The following IL6 variants were observed in gnomAD, a reference collection of about 807,000 sequenced individuals.
The protein encoded by IL6 is interleukin-6.
IL6 carries 5 observed loss-of-function variants against 18.0 expected under a neutral mutation model. That is an observed-to-expected ratio of 0.28 (90% CI 0.15 to 0.58). IL6 has a LOEUF of 0.58. Ranked by LOEUF, IL6 falls within the 20% of genes least tolerant of loss-of-function variation. IL6 has a pLI of 0.90. For synonymous variants in IL6, 97 were observed against 95.1 expected, an observed-to-expected ratio of 1.02 and a Z score of -0.12; for missense variants, 266 against 251.0, an observed-to-expected ratio of 1.06 and a Z score of -0.40.
chr7:22,729,461 A>C, intron 3 of IL6, 53 bp from the exon 4 acceptor site: 1 of 1,561,184 alleles, frequency 6.4e-7, no homozygotes, highest in East Asian at 2.3e-5. Flanking sequence ...TAACTTTTCA[A>C]ATTGATTCTA....
chr7:22,729,456 T>A, intron 3 of IL6, 58 bp from the exon 4 acceptor site: 2 of 1,541,960 alleles, frequency 1.3e-6, no homozygotes, highest in East Asian at 2.3e-5. Context: ...AATTTTAACT[T>A]TTCAAATTGA....
Position 22,728,767 on chromosome 7 carries a change from G to C in IL6, c.285G>C (p.Met95Ile), listed in dbSNP as rs752964616. Residue 95 changes from methionine to isoleucine, a missense_variant, in exon 3 of 5, where the codon ATG becomes ATC. Transcript: ENST00000258743. ...LAENNLNLPK[M>I]AEKDGCFQSG... Reference sequence around the variant, plus strand: ...AAAACAACCTGAACCTTCCAAAGATGGCTGAAAAAGATGGATGCTTCCAAT... The same window carrying C: ...AAAACAACCTGAACCTTCCAAAGATCGCTGAAAAAGATGGATGCTTCCAAT... 2.5e-6 allele frequency: 4 copies of C among 1,612,862 alleles called. No homozygotes were observed. The highest frequency in any genetic ancestry group is 3.4e-6 in the Non-Finnish European group (4 of 1,178,876).
chr7:22,727,255 G>A lies in IL6; in HGVS notation c.-8G>A. 8.1e-6 allele frequency: 13 copies of A among 1,613,618 alleles called. No individual in the cohort carries two copies. The highest frequency in any genetic ancestry group is 1.1e-5 in the Non-Finnish European group (13 of 1,179,994). On this transcript the variant is annotated 5_prime_UTR_variant, in exon 1 of 5. Coordinates refer to ENST00000258743, the MANE Select transcript of IL6 (RefSeq NM_000600.5). ...GAGAAGCTCTATCTCCCCTCCAGGA[G>A]CCCAGCTATGAACTCCTTCTCCACA...
intron 4 of IL6, chr7:22,730,310 T>C (rs1470782190): frequency 2.0e-6 from 2 of 983,684 alleles, no homozygotes; most frequent in African/African-American, 3.5e-5. Context: ...GTTTCTCATA[T>C]GTTAACATGC....
chr7:22,728,408 A>G (rs2069837), intron 2 of IL6: 35,983 of 387,012 alleles, frequency 0.093, 2,046 homozygotes, highest in East Asian at 0.16. Context: ...AGGCACTTTA[A>G]ATAAATATTG....
intron 3 of IL6, among the ~76,000 whole-genome samples, 161 bp from the exon 4 acceptor site, chr7:22,729,353 T>TA (rs1342171094): frequency 6.6e-6 from 1 of 152,212 alleles, no homozygotes; most frequent in African/African-American, 2.4e-5. Flanking sequence ...TCCAGTTATT[T>TA]AAAATGGTGC....
At chr7:22,728,594 TAG>T (rs1784059970) in intron 2 of IL6, 97 bp from the exon 3 acceptor site, 3 of 730,460 alleles carry the variant, frequency 4.1e-6, no homozygotes, top group Non-Finnish European at 7.3e-6. Context: ...TCATTTTTCT[TAG>T]AGACTTTCCT....
rs767699802 is a variant in IL6, at chr7:22,729,614, C to T, written c.425C>T (p.Ala142Val). The change falls in exon 4 of 5, where the codon GCT becomes GTT. Residue 142 changes from alanine (A) to valine (V), a missense_variant. By Grantham distance (64) the Ala-to-Val change is moderately conservative (BLOSUM62 0). Coordinates refer to ENST00000258743, the MANE Select transcript of IL6 (RefSeq NM_000600.5). Reference sequence around the variant, plus strand: ...GAGAGTAGTGAGGAACAAGCCAGAGCTGTGCAGATGAGTACAAAAGTCCTG... The same window carrying T: ...GAGAGTAGTGAGGAACAAGCCAGAGTTGTGCAGATGAGTACAAAAGTCCTG... ...RFESSEEQAR[A>V]VQMSTKVLIQ... is the part of the protein sequence containing the mutation. 3 of 1,614,010 alleles carry T rather than the reference C, an allele frequency of 1.9e-6. No individual in the cohort carries two copies. Among genetic ancestry groups the T allele is most frequent in the Non-Finnish European group, 1.7e-6 (2 of 1,180,018 alleles).
rs1784087172 is a variant in IL6, at chr7:22,729,660, G to T, written c.471G>T (p.Lys157Asn). 3.1e-6 allele frequency: 5 copies of T among 1,614,036 alleles called. No individual in the cohort carries two copies. The South Asian group carries it at 3.3e-5, about 11-fold the overall frequency. Residue 157 changes from lysine to asparagine, a missense_variant and splice_region_variant, in exon 4 of 5, where the codon AAG (lysine) becomes AAT (asparagine). Coordinates refer to ENST00000258743, the MANE Select transcript of IL6 (RefSeq NM_000600.5). ...TKVLIQFLQK[K>N]AKNLDAITTP... ...TCCTGATCCAGTTCCTGCAGAAAAA[G>T]GTGGGTGTGTCCTCATTCCCTCAAC...
chr7:22,729,604 C>A lies in IL6; in HGVS notation c.415C>A (p.Gln139Lys). The A allele has an allele frequency of 6.2e-7, 1 of 1,614,128 alleles. No individual in the cohort carries two copies. The highest frequency in any genetic ancestry group is 8.5e-7 in the Non-Finnish European group (1 of 1,180,014). The change falls in exon 4 of 5, where the codon CAA becomes AAA. Residue 139 changes from glutamine to lysine, a missense_variant. Physicochemically the swap from Gln to Lys is moderately conservative, Grantham distance 53. Transcript: ENST00000258743. ...LQNRFESSEE[Q>K]ARAVQMSTKV... is the part of the protein sequence containing the mutation. ...GAACAGATTTGAGAGTAGTGAGGAA[C>A]AAGCCAGAGCTGTGCAGATGAGTAC...
chr7:22,727,321 C>T (rs1393265463), intron 1 of IL6, 40 bp downstream of exon 1: 2 of 1,613,904 alleles, frequency 1.2e-6, no homozygotes, highest in Non-Finnish European at 1.7e-6. Context: ...CTGCCAGCGG[C>T]GGTCGAGCCC....
intron 4 of IL6, 72 bp from the exon 5 acceptor site, chr7:22,731,334 C>CCAGAGCAT (rs1300679077): frequency 8.1e-7 from 1 of 1,231,202 alleles, no homozygotes; most frequent in African/African-American, 1.5e-5. Flanking sequence ...ATCCCATAGC[C>CCAGAGCAT]CAGAGCATCC....
chr7:22,731,799 G>C lies in IL6; in HGVS notation c.*226G>C, dbSNP rs202045132. The C allele has an allele frequency of 2.0e-5, 5 of 246,874 alleles. No homozygotes were observed. Among genetic ancestry groups the C allele is most frequent in the Admixed American group, 5.4e-5 (1 of 18,396 alleles). 15.3% of individuals were successfully genotyped at this position (246,874 alleles called of 1,614,324 possible). On this transcript the variant is annotated 3_prime_UTR_variant, in exon 5 of 5. Coordinates refer to ENST00000258743, the MANE Select transcript of IL6 (RefSeq NM_000600.5). Reference sequence around the variant, plus strand: ...AGAAGTACCACTTGAAACATTTTATGTATTAGTTTTGAAATAATAATGGAA... The same window carrying C: ...AGAAGTACCACTTGAAACATTTTATCTATTAGTTTTGAAATAATAATGGAA...
rs1784130533 is a variant in IL6 at position 22,731,793 on chromosome 7, T to C, written c.*220T>C. 3.9e-6 allele frequency: 1 copy of C among 258,286 alleles called. No individual in the cohort carries two copies. Among genetic ancestry groups the C allele is most frequent in the African/African-American group, 2.2e-5 (1 of 44,930 alleles). The allele number at this position is 258,286 out of a possible 1,614,324, so 16.0% of individuals were successfully genotyped here. A position where few individuals can be genotyped will look rare whatever the true frequency, so the allele number is the denominator to read the frequency against. ...TTTTTAAGAAGTACCACTTGAAACATTTTATGTATTAGTTTTGAAATAATA... is the reference window on the plus strand; with the variant it reads ...TTTTTAAGAAGTACCACTTGAAACACTTTATGTATTAGTTTTGAAATAATA... On this transcript the variant is annotated 3_prime_UTR_variant, in exon 5 of 5. Transcript: ENST00000258743.
Position 22,729,939 on chromosome 7 carries a change from C to A in IL6, c.471+279C>A, listed in dbSNP as rs1403770925. ...TTTTAATAGTGCAAGAGATTTAAAA[C>A]CAAAGGCGGGGGGGCGGGCAGAAAA... On this transcript the variant is annotated intron_variant, in intron 4 of 4. Coordinates refer to ENST00000258743, the MANE Select transcript of IL6 (RefSeq NM_000600.5). 1.1e-5 allele frequency: 15 copies of A among 1,363,412 alleles called. No individual in the cohort carries two copies. In the African/African-American group the frequency reaches 1.9e-4, roughly 17 times the overall value. The allele number at this position is 1,363,412 out of a possible 1,614,324, so 84.5% of individuals were successfully genotyped here.
chr7:22,727,715 G>A, intron 2 of IL6, 81 bp downstream of exon 2: 3 of 1,460,248 alleles, frequency 2.1e-6, no homozygotes, highest in Non-Finnish European at 2.8e-6. Context: ...GGGGCTGCCT[G>A]CATTAGGAGG....
chr7:22,731,349 A>G (rs1396717110), intron 4 of IL6, 57 bp from the exon 5 acceptor site: 1 of 1,358,044 alleles, frequency 7.4e-7, no homozygotes. Context: ...GCATCCCTCC[A>G]CTGCAAAGGA....
rs1784132597 is a variant in IL6, at chr7:22,731,930, A to T, written c.*357A>T. On this transcript the variant is annotated 3_prime_UTR_variant, in exon 5 of 5. Coordinates refer to ENST00000258743, the MANE Select transcript of IL6 (RefSeq NM_000600.5). Reference sequence around the variant, plus strand: ...CTAACTTATACATATTTTTAAAGAAATATTTATATTGTATTTATATAATGT... The same window carrying T: ...CTAACTTATACATATTTTTAAAGAATTATTTATATTGTATTTATATAATGT... 1 of 151,154 alleles carries T rather than the reference A, an allele frequency of 6.6e-6. No individual in the cohort carries two copies. The highest frequency in any genetic ancestry group is 6.6e-5 in the Admixed American group (1 of 15,066). 9.4% of individuals were successfully genotyped at this position (151,154 alleles called of 1,614,324 possible). A position where few individuals can be genotyped will look rare whatever the true frequency, so the allele number is the denominator to read the frequency against.
In IL6 at chr7:22,730,359, TG is replaced by T. The variant is rs762618439; in HGVS notation, c.471+700del. Reference sequence around the variant, plus strand: ...GGGCATCTTCTTGTGGTGTGGAGTCTGACTTAGCAAGCCTCGGGTGGGTTTG... The same window carrying T: ...GGGCATCTTCTTGTGGTGTGGAGTCTACTTAGCAAGCCTCGGGTGGGTTTG... On this transcript the variant is annotated intron_variant, in intron 4 of 4. Transcript: ENST00000258743. 7.7e-6 allele frequency: 7 copies of T among 910,836 alleles called. No individual in the cohort carries two copies. The East Asian group carries it at 4.7e-4, about 62-fold the overall frequency. 56.4% of individuals were successfully genotyped at this position (910,836 alleles called of 1,614,324 possible).
Sources: gnomAD v4.1 joint callset for allele counts (sites outside exome capture counted in the v4.1 genomes callset) on GRCh38, gnomAD v4.1.1 for gene constraint, MANE v1.5 for transcripts, NCBI Gene and HGNC (gene_info 2026-07-23, HGNC 2026-07-21) for gene names.